Variants in C10orf53 observed in about 807,000 individuals in gnomAD.
The protein encoded by C10orf53 is UPF0728 protein C10orf53.
In C10orf53, 8 loss-of-function variants were observed where a neutral mutation model predicts 9.4. That is an observed-to-expected ratio of 0.85 (90% CI 0.50 to 1.53). C10orf53 has a LOEUF of 1.53. Ranked by LOEUF, C10orf53 falls within the 40% of genes most tolerant of loss-of-function variation. The pLI, the probability that C10orf53 is intolerant of heterozygous loss-of-function variation, is 0.00. For synonymous variants in C10orf53, 48 were observed against 46.0 expected, an observed-to-expected ratio of 1.04 and a Z score of -0.18; for missense variants, 117 against 117.8, an observed-to-expected ratio of 0.99 and a Z score of 0.03.
exon 3 of C10orf53, chr10:49,709,986 T>TGC (rs1840754048): frequency 2.0e-5 from 1 of 49,890 alleles, no homozygotes; most frequent in Admixed American, 2.0e-4. Context: ...TGTGTGTGTG[T>TGC]GTGTGTGTGT....
downstream of C10orf53, among the ~76,000 whole-genome samples, chr10:49,698,669 A>G (rs1046765227): frequency 6.6e-6 from 1 of 152,200 alleles, no homozygotes; most frequent in Non-Finnish European, 1.5e-5. Context: ...AGGCGTGTGG[A>G]ACTATTCTTC....
At chr10:49,699,900 C>CA (rs966438534), downstream of C10orf53, among the ~76,000 whole-genome samples, 8 of 151,764 alleles carry the variant, frequency 5.3e-5, no homozygotes, top group East Asian at 1.9e-4. Context: ...CTCATCCCCC[C>CA]CGAGATCAGG....
Position 49,696,269 on chromosome 10 carries a change from T to C in C10orf53, c.*1667T>C, listed in dbSNP as rs559536472. Among the ~76,000 whole-genome samples, 70 of 150,958 alleles carry C rather than the reference T, an allele frequency of 4.6e-4. No homozygotes were observed. In the South Asian group the frequency reaches 0.014, roughly 30 times the overall value. ...CTCTTCCCGCATGATTTGTTGACTG[T>C]CTGAGCATTTTATCTTGAATCAGGA... is the stretch of plus-strand genomic sequence containing the variant. On this transcript the variant is annotated 3_prime_UTR_variant, in exon 3 of 3. Coordinates refer to ENST00000374111, the MANE Select transcript of C10orf53 (RefSeq NM_001042427.3).
intron 1 of C10orf53, among the ~76,000 whole-genome samples, chr10:49,681,224 C>G (rs1840476409): frequency 6.6e-6 from 1 of 152,088 alleles, no homozygotes; most frequent in Non-Finnish European, 1.5e-5. Flanking sequence ...TTCTGGAGTT[C>G]AGAGAAAAAG....
intron 2 of C10orf53, among the ~76,000 whole-genome samples, chr10:49,706,142 A>G (rs1179467150): frequency 6.6e-6 from 1 of 152,210 alleles, no homozygotes; most frequent in Non-Finnish European, 1.5e-5. Flanking sequence ...ACCCTCATAC[A>G]CTGCTGGTGA....
downstream of C10orf53, among the ~76,000 whole-genome samples, chr10:49,701,351 AAACTAGGTTGAG>A (rs1298152434): frequency 6.6e-6 from 1 of 152,164 alleles, no homozygotes; most frequent in African/African-American, 2.4e-5. Flanking sequence ...AAATGGGGGG[AAACTAGGTTGAG>A]AACCAGAGCT....
chr10:49,702,309 T>G (rs1030750672), downstream of C10orf53, among the ~76,000 whole-genome samples: 3 of 151,930 alleles, frequency 2.0e-5, no homozygotes, highest in African/African-American at 7.3e-5. Flanking sequence ...ATGTATCCAG[T>G]TGACTGGGCC....
chr10:49,684,564 A>G (rs1840509327), intron 1 of C10orf53, among the ~76,000 whole-genome samples: 1 of 129,646 alleles, frequency 7.7e-6, no homozygotes, highest in Non-Finnish European at 1.6e-5. Flanking sequence ...AGTGTATAAG[A>G]CTTGCACCTA....
chr10:49,694,151 G>A lies in C10orf53; in HGVS notation c.217+258G>A, dbSNP rs7922789. ...AAAATGAAGTGAAGCCCTGGACTTC[G>A]AGGGATGTGATGGAATTAAGGGATA... On this transcript the variant is annotated intron_variant, in intron 2 of 2. Coordinates refer to ENST00000374111, the MANE Select transcript of C10orf53 (RefSeq NM_001042427.3). The A allele has an allele frequency of 4.1e-3, 2,436 of 596,184 alleles. 45 individuals carry two copies. The highest frequency in any genetic ancestry group is 0.039 in the African/African-American group (2,108 of 54,048). The allele number at this position is 596,184 out of a possible 1,614,324, so 36.9% of individuals were successfully genotyped here.
At chr10:49,685,928 T>C (rs1840523988) in intron 1 of C10orf53, among the ~76,000 whole-genome samples, 1 of 152,184 alleles carries the variant, frequency 6.6e-6, no homozygotes, top group Admixed American at 6.5e-5. Context: ...TCTGTCCCTT[T>C]CTCTATTTCC....
chr10:49,692,210 G>A (rs1283166054), intron 1 of C10orf53, among the ~76,000 whole-genome samples: 5 of 152,214 alleles, frequency 3.3e-5, no homozygotes, highest in African/African-American at 9.7e-5. Flanking sequence ...ACTTAAACAG[G>A]ATGCAATATC....
At position 49,696,607 on chromosome 10, in the gene C10orf53, G is replaced by A. The variant is rs1206874204; in HGVS notation, c.*2005G>A. On this transcript the variant is annotated 3_prime_UTR_variant, in exon 3 of 3. Transcript: ENST00000374111. ...ACCAGAGCTGAAGGGCAGGTAAGGC[G>A]AGACAGTACACGGATTCTAAGAAAT... is the stretch of plus-strand genomic sequence containing the variant. Among the ~76,000 whole-genome samples the A allele has an allele frequency of 1.3e-5, 2 of 152,184 alleles. No homozygotes were observed. Among genetic ancestry groups the A allele is most frequent in the Non-Finnish European group, 2.9e-5 (2 of 68,042 alleles).
downstream of C10orf53, among the ~76,000 whole-genome samples, chr10:49,701,689 A>C (rs1840684325): frequency 6.6e-6 from 1 of 152,096 alleles, no homozygotes; most frequent in African/African-American, 2.4e-5. Flanking sequence ...CTTCTCACCT[A>C]TCAGGCCCTC....
intron 2 of C10orf53, among the ~76,000 whole-genome samples, chr10:49,707,527 A>G (rs878986619): frequency 1.3e-5 from 2 of 152,214 alleles, no homozygotes; most frequent in African/African-American, 2.4e-5. Context: ...AACAGCCTAA[A>G]TAACACCAAA....
At chr10:49,700,862 C>T, downstream of C10orf53, among the ~76,000 whole-genome samples, 1 of 152,148 alleles carries the variant, frequency 6.6e-6, no homozygotes, top group East Asian at 1.9e-4. Flanking sequence ...AGCCCCCATC[C>T]CTCCTGTCCA....
downstream of C10orf53, among the ~76,000 whole-genome samples, chr10:49,701,249 A>G (rs915202203): frequency 1.5e-4 from 23 of 152,080 alleles, no homozygotes; most frequent in African/African-American, 3.4e-4. Flanking sequence ...AGCTCGTTCA[A>G]TCTGCAGACA....
intron 1 of C10orf53, among the ~76,000 whole-genome samples, chr10:49,692,706 A>G (rs1253275082): frequency 6.6e-6 from 1 of 152,224 alleles, no homozygotes; most frequent in African/African-American, 2.4e-5. Context: ...AATACATTGG[A>G]AAAAATAGAG....
intron 1 of C10orf53, among the ~76,000 whole-genome samples, chr10:49,680,152 A>G (rs573675646): frequency 6.6e-6 from 1 of 152,270 alleles, no homozygotes; most frequent in Admixed American, 6.5e-5. Flanking sequence ...CCATCTCTTA[A>G]TCGTTCATGC....
intron 1 of C10orf53, among the ~76,000 whole-genome samples, chr10:49,687,128 TG>T (rs1046279567): frequency 1.3e-5 from 2 of 152,246 alleles, no homozygotes; most frequent in African/African-American, 4.8e-5. Context: ...TGACTGTTTC[TG>T]GGTTTTGTTT....
Sources: gnomAD v4.1 joint callset for allele counts (sites outside exome capture counted in the v4.1 genomes callset) on GRCh38, gnomAD v4.1.1 for gene constraint, MANE v1.5 for transcripts, NCBI Gene and HGNC (gene_info 2026-07-23, HGNC 2026-07-21) for gene names.